The following MET variants were observed in gnomAD, a reference collection of about 807,000 sequenced individuals.
MET encodes hepatocyte growth factor receptor.
Under a neutral mutation model 133.1 loss-of-function variants are expected in MET, and 48 were observed. That is an observed-to-expected ratio of 0.36 (90% CI 0.29 to 0.46). MET has a LOEUF of 0.46. MET is among the 20% of genes least tolerant of loss of function. MET has a pLI of 1.00. For missense variants in MET, 1,442 were observed against 1,695.9 expected, an observed-to-expected ratio of 0.85 and a Z score of 2.63; for synonymous variants, 628 against 616.5, an observed-to-expected ratio of 1.02 and a Z score of -0.28.
At chr7:116,747,966 C>T (rs1253474228) in intron 5 of MET, among the ~76,000 whole-genome samples, 3 of 152,248 alleles carry the variant, frequency 2.0e-5, no homozygotes, top group Non-Finnish European at 1.5e-5. Flanking sequence ...TCACTTAAGG[C>T]CGGGTGCAGT....
At chr7:116,781,925 C>T (rs1454123766) in intron 17 of MET, 63 bp from the exon 18 acceptor site, 3 of 1,049,152 alleles carry the variant, frequency 2.9e-6, no homozygotes, top group Non-Finnish European at 4.4e-6. Flanking sequence ...TTTCAGAATT[C>T]TAAGGTCAAA....
intron 2 of MET, among the ~76,000 whole-genome samples, chr7:116,713,060 T>G (rs928261285): frequency 1.3e-5 from 2 of 152,128 alleles, no homozygotes; most frequent in African/African-American, 4.8e-5. Context: ...TTTTCACTAT[T>G]GGTCACCAAT....
At chr7:116,750,866 A>G (rs1158589650) in intron 5 of MET, among the ~76,000 whole-genome samples, 2 of 152,240 alleles carry the variant, frequency 1.3e-5, no homozygotes, top group Admixed American at 6.5e-5. Context: ...CAAAACCACA[A>G]TGAGATCCCA....
intron 3 of MET, among the ~76,000 whole-genome samples, chr7:116,738,847 T>G (rs1251327113): frequency 6.6e-6 from 1 of 152,230 alleles, no homozygotes; most frequent in African/African-American, 2.4e-5. Context: ...GCTGTAATTT[T>G]CATTCCCATT....
At chr7:116,743,803 T>C (rs1265111752) in intron 5 of MET, among the ~76,000 whole-genome samples, 3 of 152,120 alleles carry the variant, frequency 2.0e-5, no homozygotes, top group Non-Finnish European at 4.4e-5. Context: ...TGGCATCTGG[T>C]GGGTGCCCCT....
At chr7:116,677,128 C>T (rs1796190564) in intron 1 of MET, among the ~76,000 whole-genome samples, 1 of 151,948 alleles carries the variant, frequency 6.6e-6, no homozygotes, top group Non-Finnish European at 1.5e-5. Context: ...GTGAGCCTGT[C>T]ACAGTGGGAT....
chr7:116,784,607 A>G (rs1795254059), intron 19 of MET, among the ~76,000 whole-genome samples: 1 of 152,164 alleles, frequency 6.6e-6, no homozygotes, highest in South Asian at 2.1e-4. Flanking sequence ...TATCACAAGA[A>G]CAGCACCAAA....
intron 10 of MET, among the ~76,000 whole-genome samples, chr7:116,761,246 T>C (rs1344417174): frequency 6.6e-6 from 1 of 152,228 alleles, no homozygotes; most frequent in Non-Finnish European, 1.5e-5. Flanking sequence ...TTTGTTTATA[T>C]ATCTGGAAAT....
Position 116,685,191 on chromosome 7 carries a change from C to T in MET, c.-15+12614C>T, listed in dbSNP as rs951239111. ...TCTCCTGACCTATTAGCTTTGGTGG[C>T]GCCATCACTCAGTCCTCCTCTCTTC... On this transcript the variant is annotated intron_variant, in intron 1 of 20. Coordinates refer to ENST00000397752, the MANE Select transcript of MET (RefSeq NM_000245.4). Among the ~76,000 whole-genome samples the T allele has an allele frequency of 5.9e-5, 9 of 152,278 alleles. No individual in the cohort carries two copies. In the South Asian group the frequency reaches 1.2e-3, roughly 21 times the overall value.
chr7:116,730,671 G>T (rs552059644), intron 2 of MET, among the ~76,000 whole-genome samples: 1 of 152,142 alleles, frequency 6.6e-6, no homozygotes, highest in Non-Finnish European at 1.5e-5. Context: ...CTGTATATGG[G>T]GGCGGAGGGA....
chr7:116,672,541 G>T lies in MET; in HGVS notation c.-51G>T. Reference sequence around the variant, plus strand: ...CGCGGAGCGCGCGTGTGGTCCTTGCGCCGCTGACTTCTCCACTGGTTCCTG... The same window carrying T: ...CGCGGAGCGCGCGTGTGGTCCTTGCTCCGCTGACTTCTCCACTGGTTCCTG... On this transcript the variant is annotated 5_prime_UTR_variant, in exon 1 of 21. Transcript: ENST00000397752. 1 of 397,046 alleles carries T rather than the reference G, an allele frequency of 2.5e-6. No individual in the cohort carries two copies. The allele number at this position is 397,046 out of a possible 1,614,324, so 24.6% of individuals were successfully genotyped here.
intron 19 of MET, among the ~76,000 whole-genome samples, chr7:116,793,509 A>G (rs1418419682): frequency 6.6e-6 from 1 of 151,952 alleles, no homozygotes; most frequent in Non-Finnish European, 1.5e-5. Context: ...AAAAACCTCC[A>G]CAGCACAGTC....
intron 1 of MET, among the ~76,000 whole-genome samples, chr7:116,679,080 ATCCT>A (rs2116463080): frequency 1.3e-5 from 2 of 152,306 alleles, no homozygotes; most frequent in East Asian, 3.9e-4. Context: ...CTCAGTTGTA[ATCCT>A]TACTAACCCC....
At chr7:116,681,613 GA>G (rs920495205) in intron 1 of MET, among the ~76,000 whole-genome samples, 1 of 152,156 alleles carries the variant, frequency 6.6e-6, no homozygotes. Context: ...AAGATTCAAG[GA>G]AAGCTTCTAT....
chr7:116,769,298 G>A lies in MET; in HGVS notation c.2584-347G>A, dbSNP rs541325277. The stretch of plus-strand genomic sequence containing the variant: ...AGTGCAACAACTGAATCTCTACATT[G>A]CGTCTTTTTTGCCAAACATTGATAC... On this transcript the variant is annotated intron_variant, in intron 11 of 20. Transcript: ENST00000397752. Among the ~76,000 whole-genome samples the A allele has an allele frequency of 8.5e-5, 13 of 152,284 alleles. No homozygotes were observed. In the South Asian group the frequency reaches 2.3e-3, roughly 27 times the overall value.
At chr7:116,724,374 T>C (rs1190165468) in intron 2 of MET, 1 of 292,396 alleles carries the variant, frequency 3.4e-6, no homozygotes, top group Non-Finnish European at 6.8e-6. Context: ...TGTCTGGCAC[T>C]CCCTAGTGAG....
intron 3 of MET, among the ~76,000 whole-genome samples, chr7:116,739,520 A>T (rs1002940599): frequency 4.6e-5 from 7 of 152,228 alleles, no homozygotes; most frequent in Non-Finnish European, 1.0e-4. Flanking sequence ...CTCCGCGTCC[A>T]CTACTCTTAA....
chr7:116,744,256 T>A (rs1793572106), intron 5 of MET, among the ~76,000 whole-genome samples: 1 of 152,012 alleles, frequency 6.6e-6, no homozygotes, highest in Non-Finnish European at 1.5e-5. Flanking sequence ...TAAAGGAGCA[T>A]GTTCTAACCC....
chr7:116,715,983 G>A (rs1792176247), intron 2 of MET, among the ~76,000 whole-genome samples: 1 of 152,156 alleles, frequency 6.6e-6, no homozygotes, highest in Admixed American at 6.5e-5. Context: ...AGGCATGGTG[G>A]CTCATGCCTG....
Sources: gnomAD v4.1 joint callset for allele counts (sites outside exome capture counted in the v4.1 genomes callset) on GRCh38, gnomAD v4.1.1 for gene constraint, MANE v1.5 for transcripts, NCBI Gene and HGNC (gene_info 2026-07-23, HGNC 2026-07-21) for gene names.